Variants in CDK17 observed in about 807,000 individuals in gnomAD.
The protein encoded by CDK17 is cyclin dependent kinase 17.
CDK17 carries 24 observed loss-of-function variants against 77.6 expected under a neutral mutation model. That is an observed-to-expected ratio of 0.31 (90% CI 0.22 to 0.44). The LOEUF is 0.44. Among genes scored for constraint, CDK17 ranks in the 20% least tolerant of loss-of-function variants. CDK17 has a pLI of 1.00. For missense variants in CDK17, 429 were observed against 622.5 expected (o/e 0.69, Z 3.31); for synonymous variants, 203 against 210.4 (o/e 0.96, Z 0.30).
chr12:96,299,585 T>TTCAC (rs1425548351), intron 6 of CDK17, among the ~76,000 whole-genome samples: 1 of 152,028 alleles, frequency 6.6e-6, no homozygotes, highest in Non-Finnish European at 1.5e-5. Context: ...CAGACGGGGT[T>TTCAC]TCACCATGTT....
chr12:96,394,764 C>T (rs1423838448), intron 1 of CDK17, among the ~76,000 whole-genome samples: 2 of 148,618 alleles, frequency 1.3e-5, no homozygotes, highest in East Asian at 3.9e-4. Context: ...ACACTGCACT[C>T]CAGCCTGGGC....
At chr12:96,287,158 A>G (rs1952256912) in intron 11 of CDK17, among the ~76,000 whole-genome samples, 1 of 152,156 alleles carries the variant, frequency 6.6e-6, no homozygotes, top group South Asian at 2.1e-4. Context: ...AACTGAAGAG[A>G]TATTATGGTA....
intron 14 of CDK17, among the ~76,000 whole-genome samples, 176 bp downstream of exon 14, chr12:96,283,427 G>A (rs991683800): frequency 2.7e-5 from 4 of 146,488 alleles, no homozygotes; most frequent in Non-Finnish European, 5.9e-5. Context: ...AAGAGACCCA[G>A]ACACATTAGG....
chr12:96,385,280 C>T (rs1053996681), intron 1 of CDK17, among the ~76,000 whole-genome samples: 1 of 152,122 alleles, frequency 6.6e-6, no homozygotes, highest in East Asian at 1.9e-4. Context: ...CGCCACTGCA[C>T]TCCAGCCTGG....
chr12:96,308,252 A>AAAAAG (rs750453479), intron 5 of CDK17, among the ~76,000 whole-genome samples: 2 of 143,496 alleles, frequency 1.4e-5, no homozygotes, highest in Non-Finnish European at 3.1e-5. Flanking sequence ...AAAAAAAAAA[A>AAAAAG]GTTTTTTAAT....
intron 1 of CDK17, among the ~76,000 whole-genome samples, chr12:96,370,938 G>A (rs1953681429): frequency 6.6e-6 from 1 of 152,094 alleles, no homozygotes; most frequent in Non-Finnish European, 1.5e-5. Context: ...CAAAAAGGTT[G>A]AAAACTCACT....
intron 1 of CDK17, among the ~76,000 whole-genome samples, chr12:96,347,605 AG>A (rs1953237181): frequency 5.0e-4 from 5 of 9,974 alleles, no homozygotes; most frequent in African/African-American, 2.9e-3. Context: ...AGGGAGGGGA[AG>A]GGAGGGGAAG....
intron 3 of CDK17, among the ~76,000 whole-genome samples, chr12:96,314,034 C>G (rs1952676133): frequency 6.6e-6 from 1 of 152,040 alleles, no homozygotes; most frequent in African/African-American, 2.4e-5. Flanking sequence ...CTATTTTGTA[C>G]CAGAACTACA....
intron 1 of CDK17, among the ~76,000 whole-genome samples, chr12:96,398,167 T>C (rs12809810): frequency 0.049 from 7,404 of 152,268 alleles, 243 homozygotes; most frequent in Non-Finnish European, 0.061. Flanking sequence ...TTCAAACTGT[T>C]AGTGCTTCTG....
chr12:96,289,385 T>C (rs1184273064), intron 10 of CDK17, 98 bp from the exon 11 acceptor site: 2 of 1,357,200 alleles, frequency 1.5e-6, no homozygotes, highest in Non-Finnish European at 2.1e-6. Context: ...ATGCCTGAAA[T>C]GGTTAATTCG....
intron 1 of CDK17, among the ~76,000 whole-genome samples, chr12:96,363,340 A>C (rs1953526550): frequency 6.6e-6 from 1 of 151,800 alleles, no homozygotes; most frequent in African/African-American, 2.4e-5. Flanking sequence ...AATCCCAGCT[A>C]ACTGGGAGGC....
At chr12:96,337,522 G>A (rs1277647817) in intron 1 of CDK17, among the ~76,000 whole-genome samples, 1 of 152,124 alleles carries the variant, frequency 6.6e-6, no homozygotes, top group East Asian at 1.9e-4. Flanking sequence ...CAGAAATGGA[G>A]GTTTTGATGT....
intron 1 of CDK17, among the ~76,000 whole-genome samples, chr12:96,351,888 C>A (rs979246044): frequency 6.6e-6 from 1 of 152,088 alleles, no homozygotes; most frequent in Non-Finnish European, 1.5e-5. Flanking sequence ...TAGACGCTCA[C>A]AAAAGACTGT....
chr12:96,390,558 G>C (rs1218876839), intron 1 of CDK17, among the ~76,000 whole-genome samples: 1 of 149,120 alleles, frequency 6.7e-6, no homozygotes, highest in Non-Finnish European at 1.5e-5. Flanking sequence ...AAAATACAAA[G>C]ATTAGCCAGA....
intron 2 of CDK17, among the ~76,000 whole-genome samples, chr12:96,328,899 G>A (rs1952929340): frequency 6.6e-6 from 1 of 151,830 alleles, no homozygotes; most frequent in South Asian, 2.1e-4. Context: ...CCATGAGAGA[G>A]CCACAATAAA....
At chr12:96,399,907 T>A in intron 1 of CDK17, 79 bp downstream of exon 1, 1 of 312,662 alleles carries the variant, frequency 3.2e-6, no homozygotes, top group Non-Finnish European at 5.8e-6. Context: ...CCCCCGCCTC[T>A]GTCCCACGCA....
intron 1 of CDK17, among the ~76,000 whole-genome samples, chr12:96,395,453 C>G (rs1052492368): frequency 6.6e-6 from 1 of 152,108 alleles, no homozygotes; most frequent in African/African-American, 2.4e-5. Flanking sequence ...AGAGGTCGGT[C>G]CCTGGAAACA....
chr12:96,348,550 GA>G (rs1279476281), intron 1 of CDK17, among the ~76,000 whole-genome samples: 149 of 121,104 alleles, frequency 1.2e-3, no homozygotes, highest in East Asian at 6.3e-3. Context: ...AAACAAAAAA[GA>G]AAAAAAAAAT....
intron 1 of CDK17, among the ~76,000 whole-genome samples, chr12:96,357,825 A>G (rs1953423532): frequency 2.0e-5 from 3 of 152,216 alleles, no homozygotes; most frequent in Admixed American, 1.3e-4. Flanking sequence ...TCCTGGGTAC[A>G]TATCCAAGAG....
Sources: gnomAD v4.1 joint callset for allele counts (sites outside exome capture counted in the v4.1 genomes callset) on GRCh38, gnomAD v4.1.1 for gene constraint, MANE v1.5 for transcripts, NCBI Gene and HGNC (gene_info 2026-07-23, HGNC 2026-07-21) for gene names.